Variants in TAFA3 observed in about 807,000 individuals in gnomAD.
The protein encoded by TAFA3 is TAFA chemokine like family member 3, also known as chemokine-like protein TAFA-3.
A neutral mutation model predicts 20.7 loss-of-function variants in TAFA3; 17 were observed. The ratio of observed to expected loss-of-function variants is 0.82; its 90% CI spans 0.56 to 1.23. TAFA3 has a LOEUF of 1.23. TAFA3 is among the 50% of genes most tolerant of loss of function. TAFA3 has a pLI of 0.00. For synonymous variants in TAFA3, 74 were observed against 71.8 expected (o/e 1.03, Z -0.16); for missense variants, 174 against 172.8 (o/e 1.01, Z -0.04).
At position 112,722,303 on chromosome 1, in the gene TAFA3, T is replaced by C. The variant is rs1465055302; in HGVS notation, c.70T>C (p.Trp24Arg). ...GCTGGCACTGTGCCTGGCCTGGCTGTGGACCCACCTGACCTTGGCTGCCTT... is the reference window on the plus strand; with the variant it reads ...GCTGGCACTGTGCCTGGCCTGGCTGCGGACCCACCTGACCTTGGCTGCCTT... ...WLLALCLAWL[W>R]THLTLAALQP... The change falls in exon 3 of 6, where the codon TGG (tryptophan) becomes CGG (arginine). Residue 24 changes from tryptophan (W) to arginine (R), a missense_variant. Physicochemically the swap from Trp to Arg is moderately radical, Grantham distance 101. Coordinates refer to ENST00000361886, the MANE Select transcript of TAFA3 (RefSeq NM_182759.3). The C allele has an allele frequency of 4.3e-6, 7 of 1,613,994 alleles. No homozygotes were observed. Among genetic ancestry groups the C allele is most frequent in the Non-Finnish European group, 5.9e-6 (7 of 1,180,016 alleles).
At position 112,722,313 on chromosome 1, in the gene TAFA3, T is replaced by A; in HGVS notation, c.80T>A (p.Leu27Gln). ...TGCCTGGCCTGGCTGTGGACCCACCTGACCTTGGCTGCCTTGCAGCCTCCC... is the reference window on the plus strand; with the variant it reads ...TGCCTGGCCTGGCTGTGGACCCACCAGACCTTGGCTGCCTTGCAGCCTCCC... ...ALCLAWLWTH[L>Q]TLAALQPPTA... The change falls in exon 3 of 6, where the codon CTG (leucine) becomes CAG (glutamine). Residue 27 changes from leucine to glutamine, a missense_variant. Transcript: ENST00000361886. 6.2e-7 allele frequency: 1 copy of A among 1,613,882 alleles called. No individual in the cohort carries two copies. The highest frequency in any genetic ancestry group is 1.7e-5 in the Admixed American group (1 of 60,028).
chr1:112,726,920 A>G lies in TAFA3; in HGVS notation c.*280A>G. On this transcript the variant is annotated 3_prime_UTR_variant, in exon 6 of 6. Transcript: ENST00000361886. ...AGTTGAATTGGAGAGTTGATGACAG[A>G]CAATTTAGATAATTTAGGTTAAAGT... 4 of 498,426 alleles carry G rather than the reference A, an allele frequency of 8.0e-6. No individual in the cohort carries two copies. The highest frequency in any genetic ancestry group is 1.4e-5 in the Non-Finnish European group (4 of 279,464). 30.9% of individuals were successfully genotyped at this position (498,426 alleles called of 1,614,324 possible).
In TAFA3 at chr1:112,724,096, G is replaced by A. The variant is rs762452200; in HGVS notation, c.349G>A (p.Gly117Arg). The A allele has an allele frequency of 1.2e-6, 2 of 1,613,032 alleles. No homozygotes were observed. Among genetic ancestry groups the A allele is most frequent in the African/African-American group, 2.7e-5 (2 of 74,984 alleles). The change falls in exon 5 of 6, where the codon GGA becomes AGA. Residue 117 changes from glycine (G) to arginine (R), a missense_variant. By Grantham distance (125) the Gly-to-Arg change is moderately radical. Coordinates refer to ENST00000361886, the MANE Select transcript of TAFA3 (RefSeq NM_182759.3). Reference protein sequence around the residue: ...EECKVLPDLSGWSCSSGHKVK... With the variant: ...EECKVLPDLSRWSCSSGHKVK... ...GTGTAAGGTGCTCCCGGACCTGTCG[G>A]GATGGAGCTGCAGCAGTGGACACAA...
Position 112,723,998 on chromosome 1 carries a change from C to T in TAFA3, c.266-15C>T. The T allele has an allele frequency of 1.2e-6, 2 of 1,613,916 alleles. No individual in the cohort carries two copies. Among genetic ancestry groups the T allele is most frequent in the Non-Finnish European group, 1.7e-6 (2 of 1,179,940 alleles). Reference sequence around the variant, plus strand: ...TAGAGACCCTAGAGCTGCACTCCGCCTCCTGCTCCCACAGCCTCCATCGTC... The same window carrying T: ...TAGAGACCCTAGAGCTGCACTCCGCTTCCTGCTCCCACAGCCTCCATCGTC... On this transcript the variant is annotated splice_polypyrimidine_tract_variant and intron_variant, in intron 4 of 5. Transcript: ENST00000361886.
At chr1:112,719,354 G>A (rs184861483) in intron 1 of TAFA3, among the ~76,000 whole-genome samples, 55 bp downstream of exon 1, 2 of 152,322 alleles carry the variant, frequency 1.3e-5, no homozygotes, top group East Asian at 1.9e-4. Flanking sequence ...GCGTTAGGGG[G>A]GTTTGTGGGG....
chr1:112,725,401 A>AC lies in TAFA3; in HGVS notation c.391-1228_391-1227insC, dbSNP rs1675442961. Among the ~76,000 whole-genome samples the AC allele has an allele frequency of 5.1e-5, 6 of 117,504 alleles. No individual in the cohort carries two copies. The South Asian group carries it at 1.9e-3, about 37-fold the overall frequency. 77.1% of individuals were successfully genotyped at this position (117,504 alleles called of 152,430 possible). On this transcript the variant is annotated intron_variant, in intron 5 of 5. Coordinates refer to ENST00000361886, the MANE Select transcript of TAFA3 (RefSeq NM_182759.3). Reference sequence around the variant, plus strand: ...AAAATAAAAGTTGAAATATTAAAAAAAAAAAAAAAAAAAACATAGTCGAGA... The same window carrying AC: ...AAAATAAAAGTTGAAATATTAAAAAACAAAAAAAAAAAAAACATAGTCGAGA...
intron 3 of TAFA3, 54 bp downstream of exon 3, chr1:112,722,402 G>A (rs1032316479): frequency 2.1e-6 from 3 of 1,447,734 alleles, no homozygotes; most frequent in Admixed American, 1.7e-5. Flanking sequence ...CACCTGGGGA[G>A]CTGGACACCA....
intron 2 of TAFA3, 116 bp from the exon 3 acceptor site, chr1:112,722,117 A>C: frequency 9.8e-7 from 1 of 1,020,594 alleles, no homozygotes; most frequent in Non-Finnish European, 1.5e-6. Context: ...CCTGGGGACA[A>C]GGTGTGCCTC....
intron 3 of TAFA3, 136 bp from the exon 4 acceptor site, chr1:112,722,880 C>T (rs1675362696): frequency 1.8e-6 from 2 of 1,120,632 alleles, no homozygotes. Flanking sequence ...TCATCCACTT[C>T]CTCCTCCCCT....
intron 3 of TAFA3, among the ~76,000 whole-genome samples, chr1:112,722,579 T>C (rs530027054): frequency 8.5e-5 from 13 of 152,296 alleles, no homozygotes; most frequent in African/African-American, 2.9e-4. Context: ...CCTTCCAGGC[T>C]GGAAGGTGTT....
chr1:112,724,313 G>A (rs111841877), intron 5 of TAFA3, among the ~76,000 whole-genome samples, 176 bp downstream of exon 5: 2,989 of 152,018 alleles, frequency 0.02, 104 homozygotes, highest in African/African-American at 0.068. Context: ...GAGTTAGGGG[G>A]GTCAGGACTT....
chr1:112,726,781 C>T lies in TAFA3; in HGVS notation c.*141C>T. On this transcript the variant is annotated 3_prime_UTR_variant, in exon 6 of 6. Coordinates refer to ENST00000361886, the MANE Select transcript of TAFA3 (RefSeq NM_182759.3). ...CAGCATCAGTCTTTCCGGGGCATTTCAGTTAAGCTGCTCAGCAGATATGGA... is the reference window on the plus strand; with the variant it reads ...CAGCATCAGTCTTTCCGGGGCATTTTAGTTAAGCTGCTCAGCAGATATGGA... 1 of 1,328,884 alleles carries T rather than the reference C, an allele frequency of 7.5e-7. No homozygotes were observed. Among genetic ancestry groups the T allele is most frequent in the South Asian group, 1.3e-5 (1 of 79,706 alleles). The allele number at this position is 1,328,884 out of a possible 1,614,324, so 82.3% of individuals were successfully genotyped here. A position where few individuals can be genotyped will look rare whatever the true frequency, so the allele number is the denominator to read the frequency against.
rs574502107 is a variant in TAFA3, at chr1:112,721,604, A to ACT, written c.-1-627_-1-626dup. On this transcript the variant is annotated intron_variant, in intron 2 of 5. Transcript: ENST00000361886. Reference sequence around the variant, plus strand: ...GCTGGAATTAGAGGCATGAACCACCACTCCTGGCCTGCCTTATACACATCG... The same window carrying ACT: ...GCTGGAATTAGAGGCATGAACCACCACTCTCCTGGCCTGCCTTATACACATCG... Among the ~76,000 whole-genome samples, 28 of 151,796 alleles carry ACT rather than the reference A, an allele frequency of 1.8e-4. 1 individual carries two copies. The South Asian group carries it at 5.0e-3, about 27-fold the overall frequency.
rs1038973777 is a variant in TAFA3 at position 112,726,854 on chromosome 1, C to T, written c.*214C>T. 9 of 636,020 alleles carry T rather than the reference C, an allele frequency of 1.4e-5. No individual in the cohort carries two copies. The highest frequency in any genetic ancestry group is 2.4e-5 in the Non-Finnish European group (9 of 370,868). 39.4% of individuals were successfully genotyped at this position (636,020 alleles called of 1,614,324 possible). On this transcript the variant is annotated 3_prime_UTR_variant, in exon 6 of 6. Coordinates refer to ENST00000361886, the MANE Select transcript of TAFA3 (RefSeq NM_182759.3). The stretch of plus-strand genomic sequence containing the variant: ...ATGTGGAGCTGGGCTTTTCTGGAGA[C>T]ACGAAGGTCAACACACAATTCCTGC...
chr1:112,723,915 G>C, intron 4 of TAFA3, 98 bp from the exon 5 acceptor site: 8 of 1,611,508 alleles, frequency 5.0e-6, no homozygotes, highest in Non-Finnish European at 6.8e-6. Context: ...CAAGGCCAGG[G>C]GTGTGTGGAA....
chr1:112,726,635 C>T lies in TAFA3; in HGVS notation c.397C>T (p.Arg133Ter), dbSNP rs779387677. 57 of 1,613,748 alleles carry T rather than the reference C, an allele frequency of 3.5e-5. No homozygotes were observed. The African/African-American group carries it at 4.4e-4, about 12-fold the overall frequency. Reference protein sequence around the residue: ...GHKVKTTKVTR With the variant: ...GHKVKTTKVT ...CCTCTCGCTTCTTCACCAGGTCACACGATAGCTCTTGGGGGTCACGGCCTG... is the reference window on the plus strand; with the variant it reads ...CCTCTCGCTTCTTCACCAGGTCACATGATAGCTCTTGGGGGTCACGGCCTG... The change falls in exon 6 of 6, where the codon CGA becomes TGA. Residue 133 changes from arginine to a stop codon, truncating the protein, a stop_gained. Transcript: ENST00000361886. LOFTEE classifies it high-confidence loss of function.
chr1:112,720,021 G>A (rs1675291276), intron 1 of TAFA3, among the ~76,000 whole-genome samples: 1 of 152,302 alleles, frequency 6.6e-6, no homozygotes, highest in Non-Finnish European at 1.5e-5. Flanking sequence ...GCTATTGGAG[G>A]CTGTGGCCTT....
At chr1:112,721,720 C>T (rs1675333647) in intron 2 of TAFA3, among the ~76,000 whole-genome samples, 1 of 152,200 alleles carries the variant, frequency 6.6e-6, no homozygotes, top group Admixed American at 6.5e-5. Context: ...TAAAGCAATT[C>T]CCCATTGGTT....
At chr1:112,721,714 G>A (rs1254414565) in intron 2 of TAFA3, among the ~76,000 whole-genome samples, 1 of 152,202 alleles carries the variant, frequency 6.6e-6, no homozygotes, top group Non-Finnish European at 1.5e-5. Context: ...AGGACATAAA[G>A]CAATTCCCCA....
Sources: gnomAD v4.1 joint callset for allele counts (sites outside exome capture counted in the v4.1 genomes callset) on GRCh38, gnomAD v4.1.1 for gene constraint, MANE v1.5 for transcripts, NCBI Gene and HGNC (gene_info 2026-07-23, HGNC 2026-07-21) for gene names.